Variants in RIT2 observed in about 807,000 individuals in gnomAD.
The protein encoded by RIT2 is Ras like without CAAX 2.
A neutral mutation model predicts 23.7 loss-of-function variants in RIT2; 24 were observed. The ratio of observed to expected loss-of-function variants is 1.01; its 90% CI spans 0.73 to 1.43. The LOEUF (loss-of-function observed/expected upper bound fraction) is 1.43, where lower values mean the gene tolerates loss of function less well. RIT2 is among the 40% of genes most tolerant of loss of function. The probability of loss-of-function intolerance (pLI) is 0.00; values close to 1 mark genes in which losing one functional copy is unlikely to be tolerated. For missense variants in RIT2, 236 were observed against 266.9 expected (o/e 0.88, Z 0.81); for synonymous variants, 107 against 91.1 (o/e 1.17, Z -0.99).
intron 3 of RIT2, among the ~76,000 whole-genome samples, chr18:42,954,711 C>T (rs1401697357): frequency 1.3e-5 from 2 of 151,984 alleles, no homozygotes; most frequent in Non-Finnish European, 2.9e-5. Context: ...GTACATACAA[C>T]GTAGCCTTCA....
At chr18:43,016,142 T>G (rs999620880) in intron 2 of RIT2, among the ~76,000 whole-genome samples, 2 of 151,918 alleles carry the variant, frequency 1.3e-5, no homozygotes, top group African/African-American at 4.8e-5. Context: ...CATCAAATAG[T>G]CAAGTAAGCA....
At chr18:43,053,894 G>T (rs1293845873) in intron 1 of RIT2, among the ~76,000 whole-genome samples, 1 of 152,028 alleles carries the variant, frequency 6.6e-6, no homozygotes, top group Non-Finnish European at 1.5e-5. Flanking sequence ...ATAATCTACT[G>T]CAGAATCTGA....
chr18:42,891,061 C>A (rs1165650927), intron 4 of RIT2, among the ~76,000 whole-genome samples: 1 of 152,100 alleles, frequency 6.6e-6, no homozygotes, highest in Non-Finnish European at 1.5e-5. Context: ...AAAAATAGAT[C>A]ATCATTTAGT....
chr18:43,084,587 A>C (rs1353235795), intron 1 of RIT2, among the ~76,000 whole-genome samples: 3 of 152,134 alleles, frequency 2.0e-5, no homozygotes, highest in Non-Finnish European at 2.9e-5. Flanking sequence ...TTGCAGGGAG[A>C]TGGATGAAGC....
At chr18:43,101,561 A>G (rs1913685194) in intron 1 of RIT2, among the ~76,000 whole-genome samples, 1 of 152,198 alleles carries the variant, frequency 6.6e-6, no homozygotes, top group Non-Finnish European at 1.5e-5. Context: ...AAGAGGAAGA[A>G]TCAGCAAAGT....
At chr18:42,909,847 A>G (rs1193825681) in intron 4 of RIT2, among the ~76,000 whole-genome samples, 1 of 152,120 alleles carries the variant, frequency 6.6e-6, no homozygotes, top group Non-Finnish European at 1.5e-5. Context: ...TAGAATGAGT[A>G]AAAATTGCTG....
intron 1 of RIT2, among the ~76,000 whole-genome samples, chr18:43,039,400 G>A (rs1912072934): frequency 6.7e-6 from 1 of 148,672 alleles, no homozygotes; most frequent in South Asian, 2.1e-4. Context: ...CCAGGCTGGA[G>A]TGCAATGGTG....
chr18:42,841,152 A>G (rs1184768038), intron 4 of RIT2, among the ~76,000 whole-genome samples: 1 of 152,254 alleles, frequency 6.6e-6, no homozygotes, highest in Non-Finnish European at 1.5e-5. Context: ...ATGATGTTTC[A>G]TTAAATGCTT....
At chr18:42,760,794 G>T (rs1224456428) in intron 4 of RIT2, among the ~76,000 whole-genome samples, 1 of 152,154 alleles carries the variant, frequency 6.6e-6, no homozygotes, top group Non-Finnish European at 1.5e-5. Context: ...GGGACCTTTT[G>T]CTTGTTTATT....
chr18:42,880,841 C>T (rs1051215320), intron 4 of RIT2, among the ~76,000 whole-genome samples: 1 of 122,916 alleles, frequency 8.1e-6, no homozygotes, highest in Admixed American at 9.1e-5. Context: ...GAATTTTGCT[C>T]CTGTTGCTCA....
At chr18:42,801,671 C>A (rs531651525) in intron 4 of RIT2, among the ~76,000 whole-genome samples, 1 of 152,238 alleles carries the variant, frequency 6.6e-6, no homozygotes, top group African/African-American at 2.4e-5. Context: ...GAAATCATAC[C>A]AATAAGCTAC....
Position 43,062,499 on chromosome 18 carries a change from C to A in RIT2, c.104-28632G>T, listed in dbSNP as rs372061358. Among the ~76,000 whole-genome samples, 145 of 152,164 alleles carry A rather than the reference C, an allele frequency of 9.5e-4. 1 individual carries two copies. Among genetic ancestry groups the A allele is most frequent in the Middle Eastern group, 3.4e-3 (1 of 294 alleles). On this transcript the variant is annotated intron_variant, in intron 1 of 4. Coordinates refer to ENST00000326695, the MANE Select transcript of RIT2 (RefSeq NM_002930.4). ...AGCTTAGAATATATGAATTATGAAT[C>A]TTAATGTTCCAGTCAGGATAAATAT... is the stretch of plus-strand genomic sequence containing the variant.
chr18:42,915,349 T>C (rs1908880035), intron 4 of RIT2, among the ~76,000 whole-genome samples: 1 of 152,024 alleles, frequency 6.6e-6, no homozygotes, highest in South Asian at 2.1e-4. Context: ...ACTCACTCAG[T>C]ATTTATTTCC....
intron 2 of RIT2, among the ~76,000 whole-genome samples, chr18:42,978,742 G>C (rs990763026): frequency 5.9e-5 from 9 of 152,010 alleles, no homozygotes; most frequent in African/African-American, 2.2e-4. Context: ...TTGCTTCTCA[G>C]GATATATCTT....
intron 4 of RIT2, among the ~76,000 whole-genome samples, chr18:42,838,284 C>T (rs917995009): frequency 6.6e-6 from 1 of 151,968 alleles, no homozygotes; most frequent in Non-Finnish European, 1.5e-5. Context: ...CAAGAAATAG[C>T]CCTTCTACTT....
At chr18:43,023,227 G>T (rs991174337) in intron 2 of RIT2, among the ~76,000 whole-genome samples, 1 of 151,976 alleles carries the variant, frequency 6.6e-6, no homozygotes, top group Admixed American at 6.6e-5. Flanking sequence ...TTCCAATTAT[G>T]ATTTCTCCTC....
At chr18:42,831,506 G>A (rs1185256781) in intron 4 of RIT2, among the ~76,000 whole-genome samples, 1 of 152,110 alleles carries the variant, frequency 6.6e-6, no homozygotes, top group Non-Finnish European at 1.5e-5. Context: ...CCTTGGTAGT[G>A]TGGTCAGATC....
Position 42,743,546 on chromosome 18 carries a change from G to T in RIT2, c.601C>A (p.Leu201Met), listed in dbSNP as rs559678016. Residue 201 changes from leucine to methionine, a missense_variant, in exon 5 of 5, where the codon CTG becomes ATG. Leu to Met is a conservative substitution (Grantham distance 15, BLOSUM62 2). Transcript: ENST00000326695. Reference protein sequence around the residue: ...MEKKLKRKDSLWKKLKGSLKK... With the variant: ...MEKKLKRKDSMWKKLKGSLKK... ...AAAGAACCTTTGAGCTTCTTCCACAGGCTGTCTTTTCTCTTCAGTTTCTTT... is the reference window on the plus strand; with the variant it reads ...AAAGAACCTTTGAGCTTCTTCCACATGCTGTCTTTTCTCTTCAGTTTCTTT... 5.6e-6 allele frequency: 9 copies of T among 1,613,812 alleles called. No individual in the cohort carries two copies. Among genetic ancestry groups the T allele is most frequent in the African/African-American group, 1.3e-5 (1 of 74,890 alleles).
At chr18:42,773,114 T>C (rs1312236601) in intron 4 of RIT2, among the ~76,000 whole-genome samples, 3 of 151,746 alleles carry the variant, frequency 2.0e-5, no homozygotes. Flanking sequence ...CCCCCTTCTG[T>C]GCAAGGCAAA....
Sources: gnomAD v4.1 joint callset for allele counts (sites outside exome capture counted in the v4.1 genomes callset) on GRCh38, gnomAD v4.1.1 for gene constraint, MANE v1.5 for transcripts, NCBI Gene and HGNC (gene_info 2026-07-23, HGNC 2026-07-21) for gene names.